The following INPP4B variants were observed in gnomAD, a reference collection of about 807,000 sequenced individuals.
INPP4B encodes the protein inositol polyphosphate 4-phosphatase type II.
Under a neutral mutation model 122.5 loss-of-function variants are expected in INPP4B, and 55 were observed. That is an observed-to-expected ratio of 0.45 (90% confidence interval 0.36 to 0.56). The LOEUF (loss-of-function observed/expected upper bound fraction) is 0.56, where lower values mean the gene tolerates loss of function less well. INPP4B is among the 20% of genes least tolerant of loss of function. INPP4B has a pLI of 0.00. For synonymous variants in INPP4B, 403 were observed against 388.7 expected (o/e 1.04, Z -0.43); for missense variants, 1,000 against 1,097.7 (o/e 0.91, Z 1.26).
Position 142,237,909 on chromosome 4 carries a change from A to C in INPP4B, c.791T>G (p.Ile264Ser). ...QMSESILSFH[I>S]PKELISLHIK... is the part of the protein sequence containing the mutation. ...GTGAAGGGAAATCAATTCCTTAGGA[A>C]TATGAAAGGAAAGAATGCTCTCTGA... The change falls in exon 12 of 26, where the codon ATT becomes AGT. Residue 264 changes from isoleucine to serine, a missense_variant. By Grantham distance (142) the Ile-to-Ser change is moderately radical. Transcript: ENST00000262992. 1.3e-6 allele frequency: 2 copies of C among 1,581,588 alleles called. No homozygotes were observed. Among genetic ancestry groups the C allele is most frequent in the Non-Finnish European group, 1.7e-6 (2 of 1,153,928 alleles).
intron 2 of INPP4B, among the ~76,000 whole-genome samples, chr4:142,578,101 C>T (rs1453050245): frequency 6.6e-6 from 1 of 151,812 alleles, no homozygotes; most frequent in African/African-American, 2.4e-5. Context: ...ATTATGGGAG[C>T]CTTCTGAGAA....
intron 25 of INPP4B, among the ~76,000 whole-genome samples, chr4:142,066,864 C>A (rs1289257481): frequency 6.6e-6 from 1 of 152,212 alleles, no homozygotes; most frequent in Non-Finnish European, 1.5e-5. Flanking sequence ...CTCAAGGAGG[C>A]CTGCCTGTCT....
intron 25 of INPP4B, among the ~76,000 whole-genome samples, chr4:142,033,329 C>T (rs1463628914): frequency 6.6e-6 from 1 of 152,296 alleles, no homozygotes; most frequent in African/African-American, 2.4e-5. Flanking sequence ...ACTGTGCCAG[C>T]CACACCCTCT....
chr4:142,067,198 A>T (rs1763997192), intron 25 of INPP4B, among the ~76,000 whole-genome samples: 1 of 152,172 alleles, frequency 6.6e-6, no homozygotes, highest in Admixed American at 6.5e-5. Context: ...CGCTGGTGAT[A>T]CCCAGGCAAA....
chr4:142,263,138 C>T (rs2150420235), intron 10 of INPP4B, among the ~76,000 whole-genome samples: 1 of 152,244 alleles, frequency 6.6e-6, no homozygotes. Flanking sequence ...GGAGGATGCT[C>T]CTAACAATGC....
At position 142,028,381 on chromosome 4, in the gene INPP4B, A is replaced by T. The variant is rs1737706914; in HGVS notation, c.*401T>A. On this transcript the variant is annotated 3_prime_UTR_variant, in exon 26 of 26. Transcript: ENST00000262992. Reference sequence around the variant, plus strand: ...GCTATTAAGTTGTATCACAAAAAAAATATGTTCCTTTTCCCCCTCTCCTCT... The same window carrying T: ...GCTATTAAGTTGTATCACAAAAAAATTATGTTCCTTTTCCCCCTCTCCTCT... 1 of 236,236 alleles carries T rather than the reference A, an allele frequency of 4.2e-6. No homozygotes were observed. The highest frequency in any genetic ancestry group is 5.4e-5 in the Admixed American group (1 of 18,358). 14.6% of individuals were successfully genotyped at this position (236,236 alleles called of 1,614,324 possible). A position where few individuals can be genotyped will look rare whatever the true frequency, so the allele number is the denominator to read the frequency against.
chr4:142,032,516 G>A (rs1740928672), intron 25 of INPP4B, among the ~76,000 whole-genome samples: 2 of 152,184 alleles, frequency 1.3e-5, no homozygotes, highest in African/African-American at 4.8e-5. Flanking sequence ...GAGGACAAAA[G>A]TATGAGAACT....
intron 2 of INPP4B, among the ~76,000 whole-genome samples, chr4:142,494,223 A>G (rs1186223450): frequency 1.3e-5 from 2 of 152,184 alleles, no homozygotes; most frequent in African/African-American, 4.8e-5. Context: ...TATTAGCAGC[A>G]TGAAAACAGA....
chr4:142,844,163 C>A (rs974368173), intron 1 of INPP4B, among the ~76,000 whole-genome samples: 2 of 152,146 alleles, frequency 1.3e-5, no homozygotes, highest in African/African-American at 4.8e-5. Flanking sequence ...CCTTTGACTG[C>A]ATGCTACTTT....
At chr4:142,653,144 T>C (rs1014154999) in intron 2 of INPP4B, among the ~76,000 whole-genome samples, 3 of 152,176 alleles carry the variant, frequency 2.0e-5, no homozygotes, top group African/African-American at 7.2e-5. Flanking sequence ...TATTAATAAA[T>C]GGTGCTGGGA....
At chr4:142,195,518 G>A (rs1337119761) in intron 14 of INPP4B, among the ~76,000 whole-genome samples, 1 of 152,136 alleles carries the variant, frequency 6.6e-6, no homozygotes, top group African/African-American at 2.4e-5. Context: ...CTTAATTGTG[G>A]TGATAGTTTC....
chr4:142,674,642 A>C (rs1460609280), intron 2 of INPP4B, among the ~76,000 whole-genome samples: 1 of 152,152 alleles, frequency 6.6e-6, no homozygotes, highest in East Asian at 1.9e-4. Flanking sequence ...ACTCCTCAGC[A>C]AGTGCAAAAG....
intron 25 of INPP4B, among the ~76,000 whole-genome samples, chr4:142,043,980 G>A (rs1180710890): frequency 2.0e-5 from 3 of 152,148 alleles, no homozygotes; most frequent in Non-Finnish European, 2.9e-5. Flanking sequence ...GAAATAGTGA[G>A]AGCTTGAACT....
At chr4:142,544,323 A>AT (rs1829303052) in intron 2 of INPP4B, among the ~76,000 whole-genome samples, 2 of 152,070 alleles carry the variant, frequency 1.3e-5, no homozygotes, top group African/African-American at 4.8e-5. Context: ...TGTGGATAAG[A>AT]TGTGGAAACC....
At position 142,808,011 on chromosome 4, in the gene INPP4B, C is replaced by G. The variant is rs150105247; in HGVS notation, c.-254+38198G>C. On this transcript the variant is annotated intron_variant, in intron 1 of 25. Transcript: ENST00000262992. ...AAATATTTAAGTTGCCAAGTTCCAT[C>G]ATCTTCCATTACCACCTAAAATAAA... Among the ~76,000 whole-genome samples the G allele has an allele frequency of 2.5e-3, 385 of 152,150 alleles. 5 individuals are homozygous for G. The highest frequency in any genetic ancestry group is 0.019 in the East Asian group (97 of 5,152).
chr4:142,416,021 G>A (rs1368946879), intron 5 of INPP4B, among the ~76,000 whole-genome samples: 1 of 151,328 alleles, frequency 6.6e-6, no homozygotes, highest in Non-Finnish European at 1.5e-5. Flanking sequence ...GGTGAGGGGG[G>A]AGGGATAGCA....
At chr4:142,185,711 C>T (rs949753441) in intron 15 of INPP4B, among the ~76,000 whole-genome samples, 1 of 151,436 alleles carries the variant, frequency 6.6e-6, no homozygotes, top group Admixed American at 6.6e-5. Context: ...AACCCTGTCT[C>T]TACTAAAAAT....
chr4:142,830,850 CAAAAA>C (rs70949194), intron 1 of INPP4B, among the ~76,000 whole-genome samples: 8,316 of 91,400 alleles, frequency 0.091, 196 homozygotes, highest in Middle Eastern at 0.2. Flanking sequence ...GCTGTCTCTA[CAAAAA>C]AAAAAAAAAA....
At chr4:142,557,794 T>G (rs1729542341) in intron 2 of INPP4B, among the ~76,000 whole-genome samples, 1 of 152,112 alleles carries the variant, frequency 6.6e-6, no homozygotes, top group South Asian at 2.1e-4. Context: ...CTAAAATAGG[T>G]CTATCAGAAA....
Sources: allele counts gnomAD v4.1 joint callset (sites outside exome capture counted in the v4.1 genomes callset), GRCh38; gene constraint gnomAD v4.1.1; transcripts MANE v1.5; gene names NCBI Gene and HGNC (gene_info 2026-07-23, HGNC 2026-07-21).